DPYSL5: variants seen among roughly 807,000 people sequenced by gnomAD.
DPYSL5 encodes dihydropyrimidinase like 5.
DPYSL5 carries 9 observed loss-of-function variants against 58.4 expected under a neutral mutation model. That is an observed-to-expected ratio of 0.15 (90% CI 0.09 to 0.27). The LOEUF is 0.27. Ranked by LOEUF, DPYSL5 falls within the 10% of genes least tolerant of loss-of-function variation. DPYSL5 has a pLI of 1.00. For missense variants in DPYSL5, 499 were observed against 770.6 expected (o/e 0.65, Z 4.17); for synonymous variants, 293 against 301.9 (o/e 0.97, Z 0.31).
chr2:26,892,614 A>G (rs1194023935), intron 1 of DPYSL5, among the ~76,000 whole-genome samples: 2 of 151,888 alleles, frequency 1.3e-5, no homozygotes. Flanking sequence ...AAGCTGGAGG[A>G]TTGCTTGAGC....
intron 5 of DPYSL5, among the ~76,000 whole-genome samples, chr2:26,928,704 T>TATATATATATACAC: frequency 7.9e-5 from 5 of 62,996 alleles, no homozygotes; most frequent in African/African-American, 3.1e-4. Flanking sequence ...TATATATATA[T>TATATATATATACAC]ACACACACAC....
chr2:26,879,886 CGTTT>C (rs566354704), intron 1 of DPYSL5, among the ~76,000 whole-genome samples: 216 of 151,758 alleles, frequency 1.4e-3, no homozygotes, highest in Middle Eastern at 3.4e-3. Flanking sequence ...TGCTGCCACT[CGTTT>C]GTTGTTGTTG....
intron 5 of DPYSL5, among the ~76,000 whole-genome samples, chr2:26,928,719 A>ACACACACACACACACACACACACACACG (rs1664893212): frequency 1.1e-5 from 1 of 87,194 alleles, no homozygotes; most frequent in Admixed American, 9.5e-5. Flanking sequence ...ACACACACAT[A>ACACACACACACACACACACACACACACG]CATATATATA....
intron 12 of DPYSL5, among the ~76,000 whole-genome samples, chr2:26,946,464 G>C (rs550703391): frequency 2.6e-5 from 4 of 151,634 alleles, no homozygotes; most frequent in African/African-American, 9.7e-5. Flanking sequence ...TTGTAACTAA[G>C]TCATGGGATT....
At chr2:26,876,362 T>C (rs918342961) in intron 1 of DPYSL5, among the ~76,000 whole-genome samples, 4 of 152,216 alleles carry the variant, frequency 2.6e-5, no homozygotes, top group African/African-American at 9.6e-5. Context: ...TGGGGGTGCC[T>C]CTCACTGAGA....
chr2:26,893,790 G>A (rs186366196), intron 1 of DPYSL5, among the ~76,000 whole-genome samples: 2 of 152,244 alleles, frequency 1.3e-5, no homozygotes, highest in Non-Finnish European at 1.5e-5. Context: ...GGCACAAAGA[G>A]AGTCAGAGAA....
At chr2:26,935,560 G>C (rs773103388) in intron 8 of DPYSL5, among the ~76,000 whole-genome samples, 2 of 151,892 alleles carry the variant, frequency 1.3e-5, no homozygotes, top group Non-Finnish European at 2.9e-5. Flanking sequence ...ATGGTGGTGT[G>C]TGCCTGTAAT....
intron 1 of DPYSL5, among the ~76,000 whole-genome samples, chr2:26,893,924 T>C (rs1277199064): frequency 6.6e-6 from 1 of 151,910 alleles, no homozygotes; most frequent in African/African-American, 2.4e-5. Flanking sequence ...CTGGTCAGAG[T>C]TTGTCCTATA....
chr2:26,875,325 G>A (rs1663383467), intron 1 of DPYSL5, among the ~76,000 whole-genome samples: 1 of 152,238 alleles, frequency 6.6e-6, no homozygotes. Context: ...CATGTGGGGT[G>A]AAAACAGGCA....
chr2:26,933,830 G>A lies in DPYSL5; in HGVS notation c.790+497G>A, dbSNP rs923483523. ...ACTTGTATGGCTTCTGTTGCGGATC[G>A]CCTGGCAGTACCTAAAGGCTTGCAG... On this transcript the variant is annotated intron_variant, in intron 7 of 12. Transcript: ENST00000288699. The surrounding 1 kb of genome is among the most constrained non-coding windows in gnomAD (Gnocchi z 4.2). 6.6e-6 allele frequency among the ~76,000 whole-genome samples: 1 copy of A among 152,100 alleles called. No homozygotes were observed. The highest frequency in any genetic ancestry group is 1.5e-5 in the Non-Finnish European group (1 of 68,024).
In DPYSL5 at chr2:26,905,553, G is replaced by A. The variant is rs145445284; in HGVS notation, c.261+6793G>A. On this transcript the variant is annotated intron_variant, in intron 2 of 12. Transcript: ENST00000288699. The surrounding 1 kb of genome is among the most constrained non-coding windows in gnomAD (Gnocchi z 4.0). ...GGAATCGGCCCTCACCTCCCAGCTC[G>A]TTTTCCATGCTCGTTCTTCCTGCTG... Among the ~76,000 whole-genome samples, 32 of 152,226 alleles carry A rather than the reference G, an allele frequency of 2.1e-4. No homozygotes were observed. The highest frequency in any genetic ancestry group is 4.1e-4 in the South Asian group (2 of 4,822).
At chr2:26,865,612 C>T (rs996255453) in intron 1 of DPYSL5, among the ~76,000 whole-genome samples, 1 of 152,154 alleles carries the variant, frequency 6.6e-6, no homozygotes, top group Non-Finnish European at 1.5e-5. Context: ...CACACCTGGC[C>T]TGTGTCCATT....
chr2:26,868,798 A>G (rs1297504615), intron 1 of DPYSL5, among the ~76,000 whole-genome samples: 1 of 152,074 alleles, frequency 6.6e-6, no homozygotes, highest in Non-Finnish European at 1.5e-5. Context: ...TCTCAATTCC[A>G]TTATTATCTA....
chr2:26,928,704 T>TATATATATACACAC, intron 5 of DPYSL5, among the ~76,000 whole-genome samples: 1 of 62,998 alleles, frequency 1.6e-5, no homozygotes, highest in African/African-American at 6.3e-5. Context: ...TATATATATA[T>TATATATATACACAC]ACACACACAC....
intron 2 of DPYSL5, among the ~76,000 whole-genome samples, chr2:26,908,896 C>T (rs1253244263): frequency 6.6e-6 from 1 of 152,096 alleles, no homozygotes; most frequent in Non-Finnish European, 1.5e-5. Flanking sequence ...TCCCTTCTTC[C>T]TCTTTTTCTT....
chr2:26,932,185 A>AAGAAAGAAAGAAAGAAAG (rs1558351559), intron 6 of DPYSL5, among the ~76,000 whole-genome samples: 2 of 70,300 alleles, frequency 2.8e-5, no homozygotes, highest in Non-Finnish European at 6.2e-5. Flanking sequence ...GAAAGAAAGA[A>AAGAAAGAAAGAAAGAAAG]AGAAAGAAAG....
intron 6 of DPYSL5, among the ~76,000 whole-genome samples, chr2:26,932,137 G>GAGAAAGAAAGAAAGAAAGAA (rs531719106): frequency 1.7e-5 from 1 of 59,744 alleles, no homozygotes; most frequent in African/African-American, 7.2e-5. Flanking sequence ...AAGAAAGAAA[G>GAGAAAGAAAGAAAGAAAGAA]AGAAAGAAAG....
intron 2 of DPYSL5, among the ~76,000 whole-genome samples, chr2:26,921,168 A>G (rs1664693421): frequency 6.6e-6 from 1 of 152,150 alleles, no homozygotes; most frequent in Admixed American, 6.5e-5. Flanking sequence ...AACTAAACAA[A>G]AAAAACCCCA....
intron 1 of DPYSL5, among the ~76,000 whole-genome samples, chr2:26,884,520 T>TCTCTCACACACACACA (rs35489206): frequency 6.9e-6 from 1 of 145,530 alleles, no homozygotes; most frequent in Non-Finnish European, 1.5e-5. Context: ...TTGTCCTATC[T>TCTCTCACACACACACA]CACACACACA....
Sources: gnomAD v4.1 joint callset for allele counts (sites outside exome capture counted in the v4.1 genomes callset) on GRCh38, gnomAD v4.1.1 for gene constraint, Gnocchi (gnomAD v3.1) non-coding constraint, MANE v1.5 for transcripts, NCBI Gene and HGNC (gene_info 2026-07-23, HGNC 2026-07-21) for gene names.